ASAP3: variants seen among roughly 807,000 people sequenced by gnomAD.
ASAP3 encodes the protein arf-GAP with SH3 domain, ANK repeat and PH domain-containing protein 3.
A neutral mutation model predicts 118.2 loss-of-function variants in ASAP3; 85 were observed. The observed-to-expected ratio is 0.72, with a 90% CI of 0.60 to 0.86. The LOEUF is 0.86. Among genes scored for constraint, ASAP3 ranks in the 40% least tolerant of loss-of-function variants. The pLI, the probability that ASAP3 is intolerant of heterozygous loss-of-function variation, is 0.00. For synonymous variants in ASAP3, 432 were observed against 477.4 expected (o/e 0.90, Z 1.24); for missense variants, 1,026 against 1,175.0 (o/e 0.87, Z 1.85).
Position 23,438,676 on chromosome 1 carries a change from C to T in ASAP3, c.1102+71G>A, listed in dbSNP as rs78009522. On this transcript the variant is annotated intron_variant, in intron 12 of 24. Coordinates refer to ENST00000336689, the MANE Select transcript of ASAP3 (RefSeq NM_017707.4). This position sits in a 1 kb window ranked among gnomAD's most constrained non-coding sequence, Gnocchi z 4.9. ...ACACAGACCCCTCACTGAAGCCCCC[C>T]GGGAGCTGACAGGTGTCTTAGAGAA... 891 of 1,421,602 alleles carry T rather than the reference C, an allele frequency of 6.3e-4. 7 individuals carry two copies. The East Asian group carries it at 0.016, about 26-fold the overall frequency. The allele number at this position is 1,421,602 out of a possible 1,614,324, so 88.1% of individuals were successfully genotyped here. A position where few individuals can be genotyped will look rare whatever the true frequency, so the allele number is the denominator to read the frequency against.
In ASAP3 at chr1:23,429,937, AAAG is replaced by A; in HGVS notation, c.2638-10_2638-8del. 3 of 1,613,352 alleles carry A rather than the reference AAAG, an allele frequency of 1.9e-6. No individual in the cohort carries two copies. The highest frequency in any genetic ancestry group is 2.5e-6 in the Non-Finnish European group (3 of 1,179,614). On this transcript the variant is annotated splice_polypyrimidine_tract_variant and splice_region_variant and intron_variant, in intron 24 of 24. Transcript: ENST00000336689. ...CTCCTTCAGTGATGCCAACCTGCAG[AAAG>A]AAGGATGAAACTGACATTTTCAAAG... is the stretch of plus-strand genomic sequence containing the variant.
intron 3 of ASAP3, among the ~76,000 whole-genome samples, chr1:23,454,975 G>A (rs1006899520): frequency 2.0e-5 from 3 of 152,214 alleles, no homozygotes; most frequent in African/African-American, 7.2e-5. Flanking sequence ...TCTCAAGGAT[G>A]ATGTGGCCCC....
chr1:23,459,679 G>GA (rs1641505083), intron 1 of ASAP3, among the ~76,000 whole-genome samples: 2 of 152,266 alleles, frequency 1.3e-5, no homozygotes, highest in African/African-American at 4.8e-5. Flanking sequence ...CAGCAAGGCA[G>GA]AAGAGGAAGA....
At position 23,437,104 on chromosome 1, in the gene ASAP3, C is replaced by T; in HGVS notation, c.1342+26G>A. 1 of 1,601,382 alleles carries T rather than the reference C, an allele frequency of 6.2e-7. No individual in the cohort carries two copies. The highest frequency in any genetic ancestry group is 8.5e-7 in the Non-Finnish European group (1 of 1,173,660). On this transcript the variant is annotated intron_variant, in intron 14 of 24. Transcript: ENST00000336689. This position sits in a 1 kb window ranked among gnomAD's most constrained non-coding sequence, Gnocchi z 6.1. ...GCCCCTCCCCTCCACTTAAGCCTCC[C>T]TCCTGCCCCGGCCCCGGGGACCGAC...
chr1:23,442,581 T>C lies in ASAP3; in HGVS notation c.505A>G (p.Arg169Gly). ...TCCCCAGGGATCCCTCCTGTCACCCTGGCCCGATCGCGCTCCTTCTCCAGC... is the reference window on the plus strand; with the variant it reads ...TCCCCAGGGATCCCTCCTGTCACCCCGGCCCGATCGCGCTCCTTCTCCAGC... ...AKLEKERDRA[R>G]VTGGIPGEVA... Residue 169 changes from arginine (R) to glycine (G), a missense_variant, in exon 6 of 25, where the codon AGG becomes GGG. Coordinates refer to ENST00000336689, the MANE Select transcript of ASAP3 (RefSeq NM_017707.4). 1 of 1,614,100 alleles carries C rather than the reference T, an allele frequency of 6.2e-7. No individual in the cohort carries two copies.
At chr1:23,468,846 G>C (rs1641865452) in intron 1 of ASAP3, among the ~76,000 whole-genome samples, 1 of 145,146 alleles carries the variant, frequency 6.9e-6, no homozygotes, top group South Asian at 2.3e-4. Context: ...ACTCCAGCCT[G>C]GGTGACAGAG....
At chr1:23,459,137 T>C (rs960873223) in intron 1 of ASAP3, among the ~76,000 whole-genome samples, 10 of 118,536 alleles carry the variant, frequency 8.4e-5, no homozygotes, top group African/African-American at 2.6e-4. Context: ...ACCACTGCAC[T>C]CCAGCCTGCA....
chr1:23,475,567 C>T (rs1642102452), intron 1 of ASAP3, among the ~76,000 whole-genome samples: 1 of 152,220 alleles, frequency 6.6e-6, no homozygotes, highest in Admixed American at 6.5e-5. Flanking sequence ...GGTCTCGATG[C>T]TAACAGCTCT....
chr1:23,438,781 G>A lies in ASAP3; in HGVS notation c.1068C>T (p.Asn356=). The change falls in exon 12 of 25, where the codon AAC becomes AAT. Residue 356 remains asparagine, a synonymous_variant. Transcript: ENST00000336689. This position sits in a 1 kb window ranked among gnomAD's most constrained non-coding sequence, Gnocchi z 4.9. The stretch of plus-strand genomic sequence containing the variant: ...GGTCGAAGCACTTTTTCTCCTCAGG[G>A]TTTGGCCTCACTTGGCACGTCAGCA... ...LTLLTCQVRP[N]PEEKKCFDLV... 1 of 1,614,184 alleles carries A rather than the reference G, an allele frequency of 6.2e-7. No individual in the cohort carries two copies. Among genetic ancestry groups the A allele is most frequent in the Non-Finnish European group, 8.5e-7 (1 of 1,180,032 alleles).
intron 5 of ASAP3, among the ~76,000 whole-genome samples, chr1:23,443,424 C>T (rs1570352897): frequency 6.6e-6 from 1 of 152,154 alleles, no homozygotes; most frequent in Admixed American, 6.5e-5. Flanking sequence ...ATTGCTTACC[C>T]CCCTACTTAT....
chr1:23,431,452 CTACTT>C (rs1374820538), intron 23 of ASAP3, among the ~76,000 whole-genome samples: 1 of 152,214 alleles, frequency 6.6e-6, no homozygotes, highest in Non-Finnish European at 1.5e-5. Flanking sequence ...GGGGCTAAGC[CTACTT>C]TACTCCAACA....
intron 19 of ASAP3, among the ~76,000 whole-genome samples, chr1:23,434,045 T>C (rs1158371003): frequency 6.6e-6 from 1 of 152,222 alleles, no homozygotes; most frequent in Non-Finnish European, 1.5e-5. Flanking sequence ...AGAAATATTA[T>C]TTTCTTTTTT....
intron 10 of ASAP3, among the ~76,000 whole-genome samples, chr1:23,440,542 T>G (rs1343318438): frequency 4.6e-5 from 5 of 108,694 alleles, no homozygotes; most frequent in Admixed American, 1.1e-4. Flanking sequence ...AATGAGGGCA[T>G]AGTAAGTGTT....
chr1:23,463,688 G>A lies in ASAP3; in HGVS notation c.130-7494C>T, dbSNP rs960137705. Among the ~76,000 whole-genome samples the A allele has an allele frequency of 8.6e-5, 13 of 151,994 alleles. 1 individual carries two copies. Among genetic ancestry groups the A allele is most frequent in the Admixed American group, 5.9e-4 (9 of 15,282 alleles). On this transcript the variant is annotated intron_variant, in intron 1 of 24. Coordinates refer to ENST00000336689, the MANE Select transcript of ASAP3 (RefSeq NM_017707.4). Reference sequence around the variant, plus strand: ...ACAATCTCGGCTCACTGCAACCTCCGTCTCCCAGGTTCAAATGATTCTCCT... The same window carrying A: ...ACAATCTCGGCTCACTGCAACCTCCATCTCCCAGGTTCAAATGATTCTCCT...
intron 1 of ASAP3, among the ~76,000 whole-genome samples, chr1:23,469,262 C>T (rs1641886327): frequency 6.6e-6 from 1 of 152,150 alleles, no homozygotes; most frequent in Admixed American, 6.5e-5. Context: ...GCTCTGATTG[C>T]ACCACTGCAC....
At chr1:23,462,226 G>A (rs576015631) in intron 1 of ASAP3, among the ~76,000 whole-genome samples, 2 of 150,998 alleles carry the variant, frequency 1.3e-5, no homozygotes, top group Admixed American at 6.6e-5. Context: ...GGGTTTCACC[G>A]TGTTAGCCAG....
rs1329364609 is a variant in ASAP3, at chr1:23,433,251, C to T, written c.2149G>A (p.Ala717Thr). The change falls in exon 22 of 25, where the codon GCC becomes ACC. Residue 717 changes from alanine to threonine, a missense_variant. By Grantham distance (58) the Ala-to-Thr change is moderately conservative. Coordinates refer to ENST00000336689, the MANE Select transcript of ASAP3 (RefSeq NM_017707.4). ...CTCCCACTGGCCCAGTGAGCCTGGG[C>T]CGGGAGCTTCAGCAAGCAGCGCTGC... ...EEKRCLLKLPAQAHWASGRLD... is the reference protein window; with the variant it reads ...EEKRCLLKLPTQAHWASGRLD... 2 of 1,608,800 alleles carry T rather than the reference C, an allele frequency of 1.2e-6. No individual in the cohort carries two copies. The highest frequency in any genetic ancestry group is 1.7e-6 in the Non-Finnish European group (2 of 1,176,872).
At chr1:23,455,857 G>C in intron 3 of ASAP3, 24 bp downstream of exon 3, 2 of 1,613,606 alleles carry the variant, frequency 1.2e-6, no homozygotes, top group African/African-American at 1.3e-5. Context: ...CTGAGTCTGG[G>C]CAAGGAAGAG....
upstream of ASAP3, chr1:23,484,315 C>A: frequency 1.8e-6 from 1 of 550,760 alleles, no homozygotes; most frequent in Non-Finnish European, 2.6e-6. Flanking sequence ...GCCCCGCCCC[C>A]GGCTCCTCGC....
Sources: allele counts gnomAD v4.1 joint callset (sites outside exome capture counted in the v4.1 genomes callset), GRCh38; gene constraint gnomAD v4.1.1; non-coding constraint Gnocchi (gnomAD v3.1); transcripts MANE v1.5; gene names NCBI Gene and HGNC (gene_info 2026-07-23, HGNC 2026-07-21).